SLC24A4: variants seen among roughly 807,000 people sequenced by gnomAD.
SLC24A4 encodes sodium/potassium/calcium exchanger 4.
A neutral mutation model predicts 79.0 loss-of-function variants in SLC24A4; 53 were observed. The ratio of observed to expected loss-of-function variants is 0.67; its 90% CI spans 0.54 to 0.84. SLC24A4 has a LOEUF of 0.84. Among genes scored for constraint, SLC24A4 ranks in the 40% least tolerant of loss-of-function variants. The pLI is 0.00. For missense variants in SLC24A4, 731 were observed against 822.0 expected (o/e 0.89, Z 1.35); for synonymous variants, 323 against 323.8 (o/e 1.00, Z 0.03).
intron 12 of SLC24A4, among the ~76,000 whole-genome samples, chr14:92,470,590 T>C (rs981874831): frequency 6.7e-5 from 10 of 149,526 alleles, no homozygotes; most frequent in African/African-American, 2.4e-4. Flanking sequence ...GAGAGCTTAG[T>C]GAAAGGAATG....
chr14:92,445,453 T>C, intron 8 of SLC24A4, 111 bp downstream of exon 8: 2 of 1,172,330 alleles, frequency 1.7e-6, no homozygotes, highest in Non-Finnish European at 2.5e-6. Context: ...AACTTAAGCT[T>C]ATTAACTTGT....
chr14:92,489,926 G>A (rs1346823639), intron 14 of SLC24A4, among the ~76,000 whole-genome samples: 1 of 152,148 alleles, frequency 6.6e-6, no homozygotes, highest in East Asian at 1.9e-4. Flanking sequence ...CATCTTACCG[G>A]ACACTGACAG....
In SLC24A4 at chr14:92,439,223, C is replaced by T. The variant is rs1299721105; in HGVS notation, c.319-112C>T. 36 of 823,184 alleles carry T rather than the reference C, an allele frequency of 4.4e-5. 1 individual carries two copies. Among genetic ancestry groups the T allele is most frequent in the Admixed American group, 4.2e-4 (22 of 52,420 alleles). 51.0% of individuals were successfully genotyped at this position (823,184 alleles called of 1,614,324 possible). On this transcript the variant is annotated intron_variant, in intron 3 of 16. Transcript: ENST00000532405. ...GGTGCTGGAGTTTTCCTGTGTGCCC[C>T]GCTCTGTCCGCCTGGCCTCTGCCCT...
chr14:92,486,817 G>A (rs1390615361), intron 14 of SLC24A4, 37 bp downstream of exon 14: 6 of 1,476,312 alleles, frequency 4.1e-6, no homozygotes, highest in African/African-American at 1.4e-5. Context: ...GTCATGCAGT[G>A]CAGGCCACTG....
At chr14:92,407,635 GGAGA>G (rs138849786) in intron 2 of SLC24A4, among the ~76,000 whole-genome samples, 11,803 of 150,958 alleles carry the variant, frequency 0.078, 725 homozygotes, top group African/African-American at 0.15. Context: ...TGGTGGAGCA[GGAGA>G]GAGAGAGAGA....
intron 2 of SLC24A4, among the ~76,000 whole-genome samples, chr14:92,415,065 G>A (rs964181793): frequency 3.3e-5 from 5 of 152,190 alleles, no homozygotes; most frequent in African/African-American, 9.7e-5. Context: ...GTTGAAAGGC[G>A]ACGGTTCACC....
At chr14:92,447,919 T>C (rs1402744058) in intron 9 of SLC24A4, among the ~76,000 whole-genome samples, 1 of 152,222 alleles carries the variant, frequency 6.6e-6, no homozygotes, top group Non-Finnish European at 1.5e-5. Flanking sequence ...TATGCCACCT[T>C]GAGCCCCTCG....
At chr14:92,454,687 A>G (rs1177201368) in intron 11 of SLC24A4, among the ~76,000 whole-genome samples, 1 of 152,256 alleles carries the variant, frequency 6.6e-6, no homozygotes, top group Non-Finnish European at 1.5e-5. Flanking sequence ...GATCGCTGAT[A>G]ATTAGTAGTT....
chr14:92,374,108 C>T (rs184462271), intron 2 of SLC24A4, among the ~76,000 whole-genome samples: 7 of 152,308 alleles, frequency 4.6e-5, no homozygotes, highest in Non-Finnish European at 8.8e-5. Context: ...TGCAGAGAAC[C>T]CCAGAAAGTT....
At chr14:92,491,343 C>T (rs866277034) in intron 14 of SLC24A4, among the ~76,000 whole-genome samples, 7 of 152,136 alleles carry the variant, frequency 4.6e-5, no homozygotes, top group African/African-American at 1.4e-4. Flanking sequence ...AAAATCCAGT[C>T]ATATTGGATT....
At chr14:92,421,116 A>G (rs1891253676) in intron 2 of SLC24A4, among the ~76,000 whole-genome samples, 1 of 152,200 alleles carries the variant, frequency 6.6e-6, no homozygotes, top group Admixed American at 6.5e-5. Context: ...GTTCAGGTGC[A>G]TGAACCAAGG....
intron 2 of SLC24A4, among the ~76,000 whole-genome samples, chr14:92,423,887 G>C (rs1009022857): frequency 2.6e-5 from 4 of 152,178 alleles, no homozygotes; most frequent in African/African-American, 9.7e-5. Flanking sequence ...GAACACACTG[G>C]GTGACCTAAA....
rs533974562 is a variant in SLC24A4, at chr14:92,498,042, C to G, written c.*4414C>G. 6.6e-6 allele frequency: 1 copy of G among 152,354 alleles called. No homozygotes were observed. The highest frequency in any genetic ancestry group is 1.9e-4 in the East Asian group (1 of 5,190). 9.4% of individuals were successfully genotyped at this position (152,354 alleles called of 1,614,324 possible). A position where few individuals can be genotyped will look rare whatever the true frequency, so the allele number is the denominator to read the frequency against. On this transcript the variant is annotated 3_prime_UTR_variant, in exon 17 of 17. Coordinates refer to ENST00000532405, the MANE Select transcript of SLC24A4 (RefSeq NM_153646.4). ...AGTACGTGGGGCACGTGAGGTGGTC[C>G]TCCTTTCAGCACACCGTGCCCATAG...
At chr14:92,381,486 G>A (rs10140356) in intron 2 of SLC24A4, among the ~76,000 whole-genome samples, 7,405 of 152,120 alleles carry the variant, frequency 0.049, 609 homozygotes, top group African/African-American at 0.17. Context: ...TGCATGCGGG[G>A]CTTAAAGCCT....
intron 2 of SLC24A4, among the ~76,000 whole-genome samples, chr14:92,369,778 A>G (rs1200125832): frequency 6.6e-6 from 1 of 152,170 alleles, no homozygotes; most frequent in Non-Finnish European, 1.5e-5. Context: ...CCTACCTGCT[A>G]GATGCCAATA....
intron 2 of SLC24A4, among the ~76,000 whole-genome samples, chr14:92,383,464 A>ATGCCTAGC (rs1888966528): frequency 6.6e-6 from 1 of 152,078 alleles, no homozygotes; most frequent in African/African-American, 2.4e-5. Flanking sequence ...CTGCCTCAAG[A>ATGCCTAGC]TGCCTAGCTG....
In SLC24A4 at chr14:92,493,461, ACT is replaced by A. The variant is rs773791575; in HGVS notation, c.1717-12_1717-11del. 3 of 1,613,398 alleles carry A rather than the reference ACT, an allele frequency of 1.9e-6. No homozygotes were observed. Among genetic ancestry groups the A allele is most frequent in the East Asian group, 4.5e-5 (2 of 44,884 alleles). Reference sequence around the variant, plus strand: ...TTTGCCCTGCAAGCCCAGTTCCCACACTCTGTCCTCCCAGGTCCTCGGCATCC... The same window carrying A: ...TTTGCCCTGCAAGCCCAGTTCCCACACTGTCCTCCCAGGTCCTCGGCATCC... On this transcript the variant is annotated splice_polypyrimidine_tract_variant and intron_variant, in intron 16 of 16. Transcript: ENST00000532405.
intron 2 of SLC24A4, among the ~76,000 whole-genome samples, chr14:92,386,840 G>A (rs1048733245): frequency 2.0e-5 from 3 of 152,200 alleles, no homozygotes; most frequent in Non-Finnish European, 4.4e-5. Flanking sequence ...ACCTTGAGGC[G>A]GGGTTCATTC....
chr14:92,462,170 G>A (rs1448647728), intron 12 of SLC24A4: 1 of 152,190 alleles, frequency 6.6e-6, no homozygotes, highest in Admixed American at 6.5e-5. Context: ...GTCCAGCCGG[G>A]AGCAGAGTCC....
Sources: allele counts gnomAD v4.1 joint callset (sites outside exome capture counted in the v4.1 genomes callset), GRCh38; gene constraint gnomAD v4.1.1; transcripts MANE v1.5; gene names NCBI Gene and HGNC (gene_info 2026-07-23, HGNC 2026-07-21).